SLC2A13: variants seen among roughly 807,000 people sequenced by gnomAD.
The protein encoded by SLC2A13 is proton myo-inositol cotransporter.
In SLC2A13, 32 loss-of-function variants were observed where a neutral mutation model predicts 64.4. That is an observed-to-expected ratio of 0.50 (90% CI 0.37 to 0.67). The LOEUF is 0.67. SLC2A13 is among the 30% of genes least tolerant of loss of function. The pLI is 0.00. For missense variants in SLC2A13, 743 were observed against 829.2 expected, an observed-to-expected ratio of 0.90 and a Z score of 1.28; for synonymous variants, 338 against 327.1, an observed-to-expected ratio of 1.03 and a Z score of -0.36.
intron 5 of SLC2A13, among the ~76,000 whole-genome samples, chr12:39,865,878 G>C (rs937452174): frequency 3.9e-5 from 6 of 152,154 alleles, no homozygotes; most frequent in Non-Finnish European, 7.3e-5. Flanking sequence ...GATTACTTGG[G>C]GGTAGAGGGT....
chr12:39,939,434 C>T (rs879751117), intron 4 of SLC2A13, among the ~76,000 whole-genome samples: 1 of 152,200 alleles, frequency 6.6e-6, no homozygotes, highest in Non-Finnish European at 1.5e-5. Context: ...GGGTTTTAGA[C>T]TCCAGAGGGA....
At chr12:40,072,168 T>C (rs1461585424) in intron 1 of SLC2A13, among the ~76,000 whole-genome samples, 1 of 152,146 alleles carries the variant, frequency 6.6e-6, no homozygotes, top group East Asian at 1.9e-4. Context: ...TCATGTTATT[T>C]AGAAGTGTGT....
At chr12:40,031,674 G>A (rs541341391) in intron 2 of SLC2A13, among the ~76,000 whole-genome samples, 17 of 152,274 alleles carry the variant, frequency 1.1e-4, no homozygotes, top group South Asian at 8.3e-4. Flanking sequence ...TCACTGTAAC[G>A]TGTTTGTTCT....
chr12:40,017,021 C>G (rs1947632224), intron 3 of SLC2A13, among the ~76,000 whole-genome samples: 1 of 152,174 alleles, frequency 6.6e-6, no homozygotes, highest in Non-Finnish European at 1.5e-5. Context: ...TGACTTATGT[C>G]TTCTCCTCAC....
chr12:39,780,813 A>G (rs1453377205), intron 7 of SLC2A13, among the ~76,000 whole-genome samples: 2 of 152,196 alleles, frequency 1.3e-5, no homozygotes, highest in African/African-American at 4.8e-5. Flanking sequence ...TTTCTCTGAT[A>G]CAGTCATGAC....
intron 7 of SLC2A13, among the ~76,000 whole-genome samples, chr12:39,803,219 A>AT (rs1941858124): frequency 6.6e-6 from 1 of 151,942 alleles, no homozygotes; most frequent in African/African-American, 2.4e-5. Flanking sequence ...AAAAAAAAAA[A>AT]AAACTTTCTA....
chr12:39,991,881 CCATCCTGCCCTTATAGCTCACA>C (rs1947144343), intron 3 of SLC2A13, among the ~76,000 whole-genome samples: 1 of 152,034 alleles, frequency 6.6e-6, no homozygotes, highest in Non-Finnish European at 1.5e-5. Context: ...TATAGCTCAC[CCATCCTGCCCTTATAGCTCACA>C]CATCCTGATT....
At chr12:39,790,348 C>T (rs1336144220) in intron 7 of SLC2A13, among the ~76,000 whole-genome samples, 6 of 149,154 alleles carry the variant, frequency 4.0e-5, no homozygotes, top group East Asian at 4.0e-4. Context: ...TTAGGTATAT[C>T]TCCCAATGCT....
chr12:40,073,472 A>C (rs1938042773), intron 1 of SLC2A13, among the ~76,000 whole-genome samples: 1 of 152,176 alleles, frequency 6.6e-6, no homozygotes, highest in African/African-American at 2.4e-5. Flanking sequence ...TGATTAATTA[A>C]AAAATGAAAG....
At chr12:39,947,610 A>G (rs1946157332) in intron 4 of SLC2A13, among the ~76,000 whole-genome samples, 1 of 151,644 alleles carries the variant, frequency 6.6e-6, no homozygotes, top group Non-Finnish European at 1.5e-5. Flanking sequence ...AACATGGAAC[A>G]TCTTTGATAT....
chr12:39,886,432 T>C (rs1419093291), intron 4 of SLC2A13, among the ~76,000 whole-genome samples: 2 of 152,088 alleles, frequency 1.3e-5, no homozygotes, highest in Admixed American at 6.5e-5. Context: ...AAAATCTATA[T>C]GTATATATGA....
intron 3 of SLC2A13, among the ~76,000 whole-genome samples, chr12:39,953,902 G>C (rs534255249): frequency 5.3e-5 from 8 of 152,122 alleles, no homozygotes; most frequent in Non-Finnish European, 8.8e-5. Flanking sequence ...AGTCCCACAA[G>C]GGCAGCCACT....
intron 1 of SLC2A13, among the ~76,000 whole-genome samples, chr12:40,087,715 G>C (rs1938629407): frequency 6.6e-6 from 1 of 152,096 alleles, no homozygotes; most frequent in South Asian, 2.1e-4. Context: ...ACTACCAGGA[G>C]GTTACATGTA....
At chr12:39,991,868 T>A (rs1192690643) in intron 3 of SLC2A13, among the ~76,000 whole-genome samples, 1 of 152,142 alleles carries the variant, frequency 6.6e-6, no homozygotes, top group African/African-American at 2.4e-5. Flanking sequence ...AATCAAAAGC[T>A]TTTATAGCTC....
chr12:39,765,798 G>A (rs1033667864), intron 7 of SLC2A13, among the ~76,000 whole-genome samples: 24 of 152,186 alleles, frequency 1.6e-4, no homozygotes, highest in African/African-American at 5.5e-4. Context: ...AATGCGTGCT[G>A]TAGTGGTTTG....
At chr12:39,841,765 G>A (rs537336301) in intron 6 of SLC2A13, among the ~76,000 whole-genome samples, 8 of 151,780 alleles carry the variant, frequency 5.3e-5, no homozygotes, top group Non-Finnish European at 1.0e-4. Context: ...ATCTTCTCTG[G>A]TGACAATATA....
chr12:39,767,750 C>T (rs540898626), intron 7 of SLC2A13, among the ~76,000 whole-genome samples: 11 of 152,172 alleles, frequency 7.2e-5, no homozygotes, highest in Admixed American at 1.3e-4. Context: ...AATTGAATCA[C>T]GGGGGTGGTT....
rs1555236626 is a variant in SLC2A13, at chr12:39,792,814, A to AC, written c.1446-27957dup. Among the ~76,000 whole-genome samples the AC allele has an allele frequency of 4.5e-3, 666 of 149,254 alleles. 6 individuals carry two copies. Among genetic ancestry groups the AC allele is most frequent in the African/African-American group, 0.015 (597 of 40,616 alleles). On this transcript the variant is annotated intron_variant, in intron 7 of 9. Coordinates refer to ENST00000280871, the MANE Select transcript of SLC2A13 (RefSeq NM_052885.4). Reference sequence around the variant, plus strand: ...TGGCTGTATTTAATGAAAAAAAAAAACCCCACATAAAAGTGGACCACGCAG... The same window carrying AC: ...TGGCTGTATTTAATGAAAAAAAAAAACCCCCACATAAAAGTGGACCACGCAG...
intron 3 of SLC2A13, among the ~76,000 whole-genome samples, chr12:39,975,505 G>A (rs962785721): frequency 5.3e-5 from 8 of 152,158 alleles, no homozygotes; most frequent in African/African-American, 1.9e-4. Context: ...CCACTAAAAG[G>A]TAGTAGACAT....
Sources: allele counts gnomAD v4.1 joint callset (sites outside exome capture counted in the v4.1 genomes callset), GRCh38; gene constraint gnomAD v4.1.1; transcripts MANE v1.5; gene names NCBI Gene and HGNC (gene_info 2026-07-23, HGNC 2026-07-21).